CDC14B: variants seen among roughly 807,000 people sequenced by gnomAD.
CDC14B encodes dual specificity protein phosphatase CDC14B.
A neutral mutation model predicts 64.2 loss-of-function variants in CDC14B; 22 were observed. That is an observed-to-expected ratio of 0.34 (90% CI 0.24 to 0.49). CDC14B has a LOEUF of 0.49. Among genes scored for constraint, CDC14B ranks in the 20% least tolerant of loss-of-function variants. The pLI is 0.99. For missense variants in CDC14B, 498 were observed against 629.9 expected (o/e 0.79, Z 2.24); for synonymous variants, 191 against 215.8 (o/e 0.89, Z 1.01).
chr9:96,582,192 G>A (rs1208263285), intron 1 of CDC14B, among the ~76,000 whole-genome samples: 2 of 152,074 alleles, frequency 1.3e-5, no homozygotes, highest in African/African-American at 4.8e-5. Context: ...TTTCCTCCCC[G>A]TCCAATTAGG....
chr9:96,579,574 G>T (rs1845015562), intron 1 of CDC14B, among the ~76,000 whole-genome samples: 1 of 147,914 alleles, frequency 6.8e-6, no homozygotes, highest in South Asian at 2.2e-4. Context: ...GACAGAGCAA[G>T]ACTCTGTCTC....
At chr9:96,559,010 C>T (rs1842830039) in intron 4 of CDC14B, among the ~76,000 whole-genome samples, 2 of 152,186 alleles carry the variant, frequency 1.3e-5, no homozygotes, top group African/African-American at 4.8e-5. Context: ...ACAATAAAGA[C>T]AAATGAGTAC....
In CDC14B at chr9:96,610,687, C is replaced by A. The variant is rs941443822; in HGVS notation, c.160+8532G>T. Among the ~76,000 whole-genome samples the A allele has an allele frequency of 2.7e-5, 4 of 148,474 alleles. No individual in the cohort carries two copies. In the East Asian group the frequency reaches 7.8e-4, roughly 29 times the overall value. On this transcript the variant is annotated intron_variant, in intron 1 of 13. Coordinates refer to ENST00000375241, the MANE Select transcript of CDC14B (RefSeq NM_033331.4). ...ACAGGAGTAGCTGTTATAGTTATAA[C>A]AACTCATTGTGAGTACCCTTTCCAC...
chr9:96,552,534 C>A (rs537403299), intron 4 of CDC14B, among the ~76,000 whole-genome samples: 1 of 152,024 alleles, frequency 6.6e-6, no homozygotes, highest in South Asian at 2.1e-4. Context: ...GACTACTATG[C>A]GTAGGATTTT....
At chr9:96,538,886 CAA>C (rs1402989051) in intron 7 of CDC14B, 190 bp downstream of exon 7, 2 of 531,838 alleles carry the variant, frequency 3.8e-6, no homozygotes, top group Non-Finnish European at 6.7e-6. Context: ...TCACACACGC[CAA>C]AAGACTAAAT....
At chr9:96,570,680 G>T (rs1052737452) in intron 1 of CDC14B, among the ~76,000 whole-genome samples, 1 of 152,152 alleles carries the variant, frequency 6.6e-6, no homozygotes, top group Non-Finnish European at 1.5e-5. Flanking sequence ...ACAAAGAAGC[G>T]GCAGCAGCAT....
chr9:96,565,580 T>C (rs183121616), intron 1 of CDC14B, 97 bp from the exon 2 acceptor site: 1 of 831,894 alleles, frequency 1.2e-6, no homozygotes, highest in African/African-American at 1.7e-5. Context: ...AATTTTTCAT[T>C]TTTTTCATGC....
At chr9:96,609,933 A>G (rs938740400) in intron 1 of CDC14B, among the ~76,000 whole-genome samples, 2 of 152,192 alleles carry the variant, frequency 1.3e-5, no homozygotes, top group Admixed American at 6.6e-5. Flanking sequence ...AGCTTTTCAG[A>G]CTCAAAGACA....
At chr9:96,573,878 T>G (rs1844630281) in intron 1 of CDC14B, among the ~76,000 whole-genome samples, 1 of 152,042 alleles carries the variant, frequency 6.6e-6, no homozygotes, top group Non-Finnish European at 1.5e-5. Context: ...CCGGGTGCAG[T>G]GGCTCATGCC....
At chr9:96,586,855 T>TA (rs16912154) in intron 1 of CDC14B, among the ~76,000 whole-genome samples, 8,824 of 151,796 alleles carry the variant, frequency 0.058, 866 homozygotes, top group African/African-American at 0.2. Flanking sequence ...CCCACTACTT[T>TA]AAAAAAACAT....
chr9:96,578,053 A>ACACACTAT (rs1333055624), intron 1 of CDC14B, among the ~76,000 whole-genome samples: 1 of 152,224 alleles, frequency 6.6e-6, no homozygotes, highest in Non-Finnish European at 1.5e-5. Context: ...AATTTACAGA[A>ACACACTAT]CACACTATAA....
intron 7 of CDC14B, among the ~76,000 whole-genome samples, chr9:96,537,270 A>C (rs1411374016): frequency 6.6e-6 from 1 of 152,216 alleles, no homozygotes; most frequent in Non-Finnish European, 1.5e-5. Context: ...CCTGGGCAGC[A>C]GAGTGAGACC....
chr9:96,566,538 G>C (rs1201576037), intron 1 of CDC14B, among the ~76,000 whole-genome samples: 2 of 152,206 alleles, frequency 1.3e-5, no homozygotes, highest in East Asian at 3.9e-4. Context: ...TCGCTCCCGC[G>C]GGCGGGGAGG....
intron 4 of CDC14B, among the ~76,000 whole-genome samples, chr9:96,557,124 C>T (rs1362057410): frequency 1.3e-5 from 2 of 152,252 alleles, no homozygotes; most frequent in Non-Finnish European, 2.9e-5. Flanking sequence ...TGGAAACGCC[C>T]GTCAGAAGCC....
At chr9:96,495,004 T>C (rs1003412635) in intron 13 of CDC14B, among the ~76,000 whole-genome samples, 55 of 151,282 alleles carry the variant, frequency 3.6e-4, no homozygotes, top group Non-Finnish European at 7.1e-4. Context: ...CCGGCTAATT[T>C]TTTGTATTTT....
At chr9:96,527,457 G>C (rs1228973888) in intron 9 of CDC14B, among the ~76,000 whole-genome samples, 1 of 152,166 alleles carries the variant, frequency 6.6e-6, no homozygotes, top group Non-Finnish European at 1.5e-5. Flanking sequence ...TTTCCTTAGT[G>C]TAAGTTTCTG....
At chr9:96,529,408 G>A (rs747794375) in intron 9 of CDC14B, among the ~76,000 whole-genome samples, 4 of 151,374 alleles carry the variant, frequency 2.6e-5, no homozygotes, top group Non-Finnish European at 5.9e-5. Flanking sequence ...TTATTTCTGA[G>A]CTCTCTATCC....
intron 5 of CDC14B, among the ~76,000 whole-genome samples, chr9:96,548,477 T>C (rs1468488809): frequency 6.6e-6 from 1 of 152,028 alleles, no homozygotes; most frequent in Non-Finnish European, 1.5e-5. Flanking sequence ...AGAAATCATA[T>C]ACACACATAC....
intron 1 of CDC14B, among the ~76,000 whole-genome samples, chr9:96,617,634 T>C (rs1297632151): frequency 1.3e-5 from 2 of 152,074 alleles, no homozygotes; most frequent in Non-Finnish European, 2.9e-5. Flanking sequence ...GTAGAGAATA[T>C]ATAGTATATA....
Sources: gnomAD v4.1 joint callset for allele counts (sites outside exome capture counted in the v4.1 genomes callset) on GRCh38, gnomAD v4.1.1 for gene constraint, MANE v1.5 for transcripts, NCBI Gene and HGNC (gene_info 2026-07-23, HGNC 2026-07-21) for gene names.